Variants in SYT14 observed in about 807,000 individuals in gnomAD.
The protein encoded by SYT14 is synaptotagmin-14.
In SYT14, 32 loss-of-function variants were observed where a neutral mutation model predicts 74.2. That is an observed-to-expected ratio of 0.43 (90% confidence interval 0.33 to 0.58). SYT14 has a LOEUF of 0.58. Ranked by LOEUF, SYT14 falls within the 20% of genes least tolerant of loss-of-function variation. SYT14 has a pLI of 0.05. For missense variants in SYT14, 791 were observed against 981.8 expected (o/e 0.81, Z 2.60); for synonymous variants, 298 against 337.7 (o/e 0.88, Z 1.29).
At chr1:209,975,093 C>T (rs1214980535) in intron 2 of SYT14, among the ~76,000 whole-genome samples, 8 of 152,160 alleles carry the variant, frequency 5.3e-5, no homozygotes, top group South Asian at 2.1e-4. Flanking sequence ...AGTTGCCTAT[C>T]GGCTTAAGGA....
At chr1:210,031,574 A>G (rs1014625229) in intron 5 of SYT14, among the ~76,000 whole-genome samples, 1 of 152,112 alleles carries the variant, frequency 6.6e-6, no homozygotes, top group Non-Finnish European at 1.5e-5. Context: ...AATTGATGCA[A>G]TTTTTAAATA....
intron 5 of SYT14, among the ~76,000 whole-genome samples, chr1:210,037,736 G>T (rs1274181535): frequency 4.0e-5 from 6 of 151,772 alleles, no homozygotes; most frequent in African/African-American, 1.5e-4. Context: ...CCATATATTT[G>T]TATAGTTTTG....
intron 1 of SYT14, among the ~76,000 whole-genome samples, chr1:209,951,405 T>C (rs2078909973): frequency 1.3e-5 from 2 of 152,338 alleles, no homozygotes; most frequent in South Asian, 2.1e-4. Context: ...CTGTGTCTGC[T>C]TTCTTTCACT....
intron 2 of SYT14, among the ~76,000 whole-genome samples, chr1:209,987,488 G>C (rs2079592082): frequency 6.6e-6 from 1 of 152,160 alleles, no homozygotes; most frequent in African/African-American, 2.4e-5. Context: ...ATGTGGGTGA[G>C]GTGCTACACA....
rs111313546 is a variant in SYT14 at position 210,100,867 on chromosome 1, A to G, written c.2034+406A>G. The stretch of plus-strand genomic sequence containing the variant: ...ATATGTTATTTGCTGTATGGCAGAA[A>G]GGATTTGCCCTTACAGAATATATAT... On this transcript the variant is annotated intron_variant, in intron 7 of 9. Coordinates refer to ENST00000637265, the Ensembl canonical transcript of SYT14. Among the ~76,000 whole-genome samples the G allele has an allele frequency of 2.3e-3, 346 of 152,300 alleles. 1 individual carries two copies. Among genetic ancestry groups the G allele is most frequent in the African/African-American group, 7.8e-3 (324 of 41,572 alleles).
At chr1:210,103,257 G>C (rs2082101071) in intron 7 of SYT14, among the ~76,000 whole-genome samples, 1 of 151,976 alleles carries the variant, frequency 6.6e-6, no homozygotes, top group Admixed American at 6.6e-5. Context: ...TAAGATTAAA[G>C]TTTAACATTA....
exon 7 of SYT14, chr1:210,100,377 G>A (rs760437550): frequency 1.9e-6 from 3 of 1,613,632 alleles, no homozygotes; most frequent in Non-Finnish European, 2.5e-6. Flanking sequence ...AGATTGTGGG[G>A]GAAAAGATTT....
At chr1:210,157,501 T>C (rs1000722286) in intron 8 of SYT14, among the ~76,000 whole-genome samples, 1 of 151,326 alleles carries the variant, frequency 6.6e-6, no homozygotes, top group Non-Finnish European at 1.5e-5. Context: ...CCCAGCACTT[T>C]AGGAGGCCGA....
chr1:210,144,943 G>A (rs1390361433), intron 7 of SYT14, among the ~76,000 whole-genome samples: 2 of 152,120 alleles, frequency 1.3e-5, no homozygotes, highest in African/African-American at 2.4e-5. Context: ...AACCCAATAT[G>A]TGTCAGCAGT....
chr1:209,991,072 A>G (rs1002353599), intron 2 of SYT14, among the ~76,000 whole-genome samples: 1 of 152,162 alleles, frequency 6.6e-6, no homozygotes, highest in Non-Finnish European at 1.5e-5. Context: ...GGAAAATTGG[A>G]TTGCCATATG....
At chr1:209,960,631 C>T (rs1274044817) in intron 2 of SYT14, among the ~76,000 whole-genome samples, 2 of 152,084 alleles carry the variant, frequency 1.3e-5, no homozygotes, top group Non-Finnish European at 2.9e-5. Context: ...TTTTTGAATG[C>T]TGCTCATCAC....
intron 5 of SYT14, among the ~76,000 whole-genome samples, chr1:210,090,722 T>C (rs1462087563): frequency 6.6e-6 from 1 of 152,112 alleles, no homozygotes; most frequent in East Asian, 1.9e-4. Context: ...AGGTTGATGT[T>C]TACAGTGTAA....
At chr1:210,009,839 T>G (rs2080053496) in intron 2 of SYT14, among the ~76,000 whole-genome samples, 1 of 152,168 alleles carries the variant, frequency 6.6e-6, no homozygotes, top group African/African-American at 2.4e-5. Context: ...TCCAAATGCC[T>G]TTCTTCTCAT....
intron 5 of SYT14, among the ~76,000 whole-genome samples, chr1:210,090,133 A>G (rs2081835071): frequency 6.6e-6 from 1 of 152,196 alleles, no homozygotes; most frequent in Non-Finnish European, 1.5e-5. Flanking sequence ...TTCATCTGCC[A>G]CACAGTGCAA....
intron 7 of SYT14, among the ~76,000 whole-genome samples, chr1:210,149,575 T>A (rs529258606): frequency 1.3e-5 from 2 of 152,354 alleles, no homozygotes; most frequent in South Asian, 4.1e-4. Flanking sequence ...TTTATGTGAA[T>A]GTTCTATGAT....
chr1:209,952,588 G>A (rs750988256), intron 1 of SYT14, 121 bp from the exon 2 acceptor site: 49 of 761,852 alleles, frequency 6.4e-5, no homozygotes, highest in Non-Finnish European at 1.1e-4. Flanking sequence ...AGTATAAAGA[G>A]AAGAGTTAGG....
chr1:209,984,975 C>T (rs1045191781), intron 2 of SYT14, among the ~76,000 whole-genome samples: 2 of 152,156 alleles, frequency 1.3e-5, no homozygotes, highest in African/African-American at 4.8e-5. Context: ...AAACACCTCC[C>T]ACCAGGCCCC....
At position 210,103,321 on chromosome 1, in the gene SYT14, T is replaced by TG. The variant is rs745552535; in HGVS notation, c.2034+2863dup. Among the ~76,000 whole-genome samples the TG allele has an allele frequency of 8.6e-5, 13 of 151,742 alleles. 1 individual carries two copies. Among genetic ancestry groups the TG allele is most frequent in the Non-Finnish European group, 1.2e-4 (8 of 67,950 alleles). On this transcript the variant is annotated intron_variant, in intron 7 of 9. Coordinates refer to ENST00000637265, the Ensembl canonical transcript of SYT14. Reference sequence around the variant, plus strand: ...TTCCCAACACTTTGGGAGGCCGAGGTGGGCAGATCATGAGGTCAGGAGATT... The same window carrying TG: ...TTCCCAACACTTTGGGAGGCCGAGGTGGGGCAGATCATGAGGTCAGGAGATT...
rs150177002 is a variant in SYT14 at position 210,015,941 on chromosome 1, T to C, written c.-63T>C. 26 of 1,231,006 alleles carry C rather than the reference T, an allele frequency of 2.1e-5. No individual in the cohort carries two copies. In the East Asian group the frequency reaches 7.6e-4, roughly 36 times the overall value. The allele number at this position is 1,231,006 out of a possible 1,614,324, so 76.3% of individuals were successfully genotyped here. ...TAAATGTTAAATTCAAGTTCCAAAG[T>C]GGTTGATATTTTCAGAAGAGAAAAT... On this transcript the variant is annotated 5_prime_UTR_variant, in exon 4 of 10. Coordinates refer to ENST00000637265, the Ensembl canonical transcript of SYT14.
Sources: gnomAD v4.1 joint callset for allele counts (sites outside exome capture counted in the v4.1 genomes callset) on GRCh38, gnomAD v4.1.1 for gene constraint, MANE v1.5 for transcripts, NCBI Gene and HGNC (gene_info 2026-07-23, HGNC 2026-07-21) for gene names.